Variants in GNAQ observed in about 807,000 individuals in gnomAD.
The protein encoded by GNAQ is guanine nucleotide-binding protein G(q) subunit alpha.
A neutral mutation model predicts 43.9 loss-of-function variants in GNAQ; 8 were observed. The observed-to-expected ratio is 0.18, with a 90% CI of 0.11 to 0.33. The LOEUF is 0.33. Ranked by LOEUF, GNAQ falls within the 10% of genes least tolerant of loss-of-function variation. GNAQ has a pLI of 1.00. For missense variants in GNAQ, 158 were observed against 450.8 expected, an observed-to-expected ratio of 0.35 and a Z score of 5.88; for synonymous variants, 155 against 170.7, an observed-to-expected ratio of 0.91 and a Z score of 0.71.
chr9:77,910,311 A>G (rs1828778742), intron 2 of GNAQ, among the ~76,000 whole-genome samples: 1 of 152,194 alleles, frequency 6.6e-6, no homozygotes, highest in Non-Finnish European at 1.5e-5. Flanking sequence ...CTTGGCTCCA[A>G]CAAATATATT....
Position 77,747,741 on chromosome 9 carries a change from C to T in GNAQ, c.736-19074G>A, listed in dbSNP as rs376661705. The stretch of plus-strand genomic sequence containing the variant: ...CCAGCTAGACAACAGGAAGAGAAGG[C>T]GAGAAAGAATTAGTGACAAACTTTC... On this transcript the variant is annotated intron_variant, in intron 5 of 6. Coordinates refer to ENST00000286548, the MANE Select transcript of GNAQ (RefSeq NM_002072.5). Among the ~76,000 whole-genome samples the T allele has an allele frequency of 2.4e-4, 36 of 152,238 alleles. No individual in the cohort carries two copies. The East Asian group carries it at 5.4e-3, about 23-fold the overall frequency.
chr9:77,999,693 G>A (rs1823619737), intron 1 of GNAQ, among the ~76,000 whole-genome samples: 1 of 152,180 alleles, frequency 6.6e-6, no homozygotes, highest in African/African-American at 2.4e-5. Context: ...GCCTAGGACT[G>A]TGCTAGGAGC....
intron 1 of GNAQ, among the ~76,000 whole-genome samples, chr9:77,927,285 T>C (rs560861162): frequency 6.6e-6 from 1 of 152,232 alleles, no homozygotes. Flanking sequence ...AATCCAATCA[T>C]ATGTACCTTC....
At chr9:77,824,688 G>A (rs972046403) in intron 2 of GNAQ, among the ~76,000 whole-genome samples, 2 of 152,006 alleles carry the variant, frequency 1.3e-5, no homozygotes, top group African/African-American at 4.8e-5. Flanking sequence ...AGAAGCAAAA[G>A]CATTTACTGT....
At position 77,965,812 on chromosome 9, in the gene GNAQ, A is replaced by T. The variant is rs954024017; in HGVS notation, c.137-43467T>A. On this transcript the variant is annotated intron_variant, in intron 1 of 6. Transcript: ENST00000286548. The stretch of plus-strand genomic sequence containing the variant: ...ATACCCCTGGTAATGTGTTCCAGCC[A>T]TTCCAGTCCTTGGATTTACTCCGAG... Among the ~76,000 whole-genome samples the T allele has an allele frequency of 1.0e-4, 15 of 150,336 alleles. No homozygotes were observed. In the Admixed American group the frequency reaches 1.0e-3, roughly 10 times the overall value.
intron 3 of GNAQ, among the ~76,000 whole-genome samples, chr9:77,801,376 T>G (rs767230774): frequency 3.7e-4 from 57 of 152,176 alleles, no homozygotes; most frequent in Non-Finnish European, 8.1e-4. Flanking sequence ...TCAATGGCAG[T>G]ATAGATCACA....
At chr9:77,914,168 G>C (rs572438868) in intron 2 of GNAQ, among the ~76,000 whole-genome samples, 16 of 152,256 alleles carry the variant, frequency 1.1e-4, no homozygotes, top group African/African-American at 3.4e-4. Context: ...AATGTGGCTA[G>C]GAAGTATCTG....
At chr9:78,029,112 G>GTA (rs1824017516) in intron 1 of GNAQ, among the ~76,000 whole-genome samples, 4 of 152,170 alleles carry the variant, frequency 2.6e-5, no homozygotes, top group African/African-American at 9.6e-5. Flanking sequence ...AAGCATCCAT[G>GTA]TAAGTGTATT....
intron 2 of GNAQ, among the ~76,000 whole-genome samples, chr9:77,878,051 G>A (rs115420105): frequency 1.3e-3 from 200 of 152,258 alleles, no homozygotes; most frequent in African/African-American, 4.6e-3. Flanking sequence ...AGATAGAACA[G>A]GATAGGTCTC....
intron 2 of GNAQ, among the ~76,000 whole-genome samples, chr9:77,877,284 T>C (rs1392544416): frequency 6.6e-6 from 1 of 152,202 alleles, no homozygotes; most frequent in Non-Finnish European, 1.5e-5. Flanking sequence ...GAAACTATCA[T>C]TATAAGGGTA....
chr9:77,805,072 G>A (rs1385271881), intron 3 of GNAQ, among the ~76,000 whole-genome samples: 1 of 152,104 alleles, frequency 6.6e-6, no homozygotes, highest in East Asian at 1.9e-4. Context: ...AAAAAAAATT[G>A]TAAAGTGACC....
chr9:77,723,542 G>A (rs2118198410), intron 6 of GNAQ, among the ~76,000 whole-genome samples: 1 of 152,136 alleles, frequency 6.6e-6, no homozygotes, highest in Admixed American at 6.5e-5. Flanking sequence ...ACAGATACAT[G>A]GAGAAACAAA....
At chr9:78,031,057 G>A in intron 1 of GNAQ, 43 bp downstream of exon 1, 5 of 1,367,112 alleles carry the variant, frequency 3.7e-6, no homozygotes, top group Non-Finnish European at 4.8e-6. Context: ...AGGATGGTGG[G>A]CTGGGGGCGC....
chr9:77,804,561 A>G (rs1249424929), intron 3 of GNAQ, among the ~76,000 whole-genome samples: 1 of 152,200 alleles, frequency 6.6e-6, no homozygotes, highest in Non-Finnish European at 1.5e-5. Flanking sequence ...CTCAGTAATC[A>G]CACCAAAAGG....
rs1827297345 is a variant in GNAQ, at chr9:77,831,515, CTG to C, written c.322-15747_322-15746del. ...GTGGAAAAATTATTAATTGGTATGA[CTG>C]TATTTATAAAAAGCCTCTGTTAAAT... is the stretch of plus-strand genomic sequence containing the variant. On this transcript the variant is annotated intron_variant, in intron 2 of 6. Coordinates refer to ENST00000286548, the MANE Select transcript of GNAQ (RefSeq NM_002072.5). Among the ~76,000 whole-genome samples, 3 of 152,142 alleles carry C rather than the reference CTG, an allele frequency of 2.0e-5. No individual in the cohort carries two copies. The South Asian group carries it at 6.2e-4, about 32-fold the overall frequency.
intron 2 of GNAQ, among the ~76,000 whole-genome samples, chr9:77,882,819 A>G (rs1412175247): frequency 1.3e-5 from 2 of 152,142 alleles, no homozygotes; most frequent in East Asian, 1.9e-4. Context: ...TTTTTGTAAT[A>G]AACTATTTTT....
intron 1 of GNAQ, among the ~76,000 whole-genome samples, chr9:77,925,747 T>C (rs1490529731): frequency 6.6e-6 from 1 of 152,204 alleles, no homozygotes; most frequent in South Asian, 2.1e-4. Flanking sequence ...TAAGGTATTA[T>C]TTGGCACTAG....
intron 1 of GNAQ, among the ~76,000 whole-genome samples, chr9:77,958,375 A>G (rs1017732542): frequency 3.3e-5 from 5 of 152,220 alleles, no homozygotes; most frequent in African/African-American, 1.2e-4. Flanking sequence ...GAAAAGAAAA[A>G]AAAAAGGAAG....
intron 2 of GNAQ, among the ~76,000 whole-genome samples, chr9:77,880,247 C>G (rs1361020395): frequency 6.6e-6 from 1 of 152,130 alleles, no homozygotes. Flanking sequence ...GAAATATGTC[C>G]TGTCTGATTC....
Sources: gnomAD v4.1 joint callset for allele counts (sites outside exome capture counted in the v4.1 genomes callset) on GRCh38, gnomAD v4.1.1 for gene constraint, MANE v1.5 for transcripts, NCBI Gene and HGNC (gene_info 2026-07-23, HGNC 2026-07-21) for gene names.